Variants in GPC6 observed in about 807,000 individuals in gnomAD.
GPC6 encodes glypican-6.
GPC6 carries 14 observed loss-of-function variants against 55.2 expected under a neutral mutation model. That is an observed-to-expected ratio of 0.25 (90% CI 0.17 to 0.40). GPC6 has a LOEUF of 0.40. Among genes scored for constraint, GPC6 ranks in the 10% least tolerant of loss-of-function variants. The pLI is 1.00. For missense variants in GPC6, 641 were observed against 708.5 expected (o/e 0.90, Z 1.08); for synonymous variants, 278 against 259.6 (o/e 1.07, Z -0.68).
intron 4 of GPC6, among the ~76,000 whole-genome samples, chr13:94,074,413 C>A (rs1467767192): frequency 6.6e-6 from 1 of 152,150 alleles, no homozygotes; most frequent in East Asian, 1.9e-4. Flanking sequence ...TTTCAGAAAT[C>A]ACATTGTATT....
At chr13:94,365,886 T>G (rs924816244) in intron 6 of GPC6, among the ~76,000 whole-genome samples, 3 of 152,242 alleles carry the variant, frequency 2.0e-5, no homozygotes, top group Non-Finnish European at 4.4e-5. Context: ...ATTTCTCAGC[T>G]TCGGTGTGGA....
chr13:93,370,956 A>G (rs1251816288), intron 1 of GPC6, among the ~76,000 whole-genome samples: 1 of 152,072 alleles, frequency 6.6e-6, no homozygotes, highest in Non-Finnish European at 1.5e-5. Flanking sequence ...AATTAGAATG[A>G]TTCACCCTTT....
At chr13:93,675,363 T>A (rs1309398115) in intron 2 of GPC6, among the ~76,000 whole-genome samples, 2 of 152,094 alleles carry the variant, frequency 1.3e-5, no homozygotes, top group Non-Finnish European at 2.9e-5. Context: ...ATAGTTGACT[T>A]ACAAATTCGT....
chr13:93,874,005 C>T (rs1397178372), intron 3 of GPC6, among the ~76,000 whole-genome samples: 5 of 151,926 alleles, frequency 3.3e-5, no homozygotes, highest in Non-Finnish European at 7.4e-5. Flanking sequence ...ATCTGGTCTC[C>T]CTGCAGCCTT....
At chr13:93,944,516 T>A (rs2140366695) in intron 3 of GPC6, among the ~76,000 whole-genome samples, 1 of 152,284 alleles carries the variant, frequency 6.6e-6, no homozygotes, top group Admixed American at 6.5e-5. Flanking sequence ...CCTTCTTCTA[T>A]CACCTCGATA....
At chr13:94,399,990 G>A (rs1881060195) in intron 8 of GPC6, among the ~76,000 whole-genome samples, 1 of 152,152 alleles carries the variant, frequency 6.6e-6, no homozygotes, top group South Asian at 2.1e-4. Flanking sequence ...AGATACATAA[G>A]AATTAGTTGG....
chr13:94,036,008 T>C (rs1281425143), intron 4 of GPC6, among the ~76,000 whole-genome samples: 1 of 152,002 alleles, frequency 6.6e-6, no homozygotes, highest in Non-Finnish European at 1.5e-5. Flanking sequence ...TGTGAACAAC[T>C]CTCTAAGGAA....
Position 93,464,827 on chromosome 13 carries a change from A to G in GPC6, c.161-80436A>G, listed in dbSNP as rs543844335. On this transcript the variant is annotated intron_variant, in intron 1 of 8. Coordinates refer to ENST00000377047, the MANE Select transcript of GPC6 (RefSeq NM_005708.5). The stretch of plus-strand genomic sequence containing the variant: ...TTTGGCCAGATCCATCAGAGGAATC[A>G]CTATCTATGGAAGTTATAGCCTTAT... 1.8e-3 allele frequency among the ~76,000 whole-genome samples: 273 copies of G among 152,344 alleles called. 2 individuals are homozygous for G. The Middle Eastern group carries it at 0.048, about 27-fold the overall frequency.
intron 1 of GPC6, among the ~76,000 whole-genome samples, chr13:93,277,529 C>T (rs1877798489): frequency 6.6e-6 from 1 of 151,958 alleles, no homozygotes; most frequent in Admixed American, 6.6e-5. Context: ...CAGACTAAAC[C>T]AAGGTGTCTT....
At chr13:93,354,803 G>T (rs1354901100) in intron 1 of GPC6, among the ~76,000 whole-genome samples, 1 of 152,216 alleles carries the variant, frequency 6.6e-6, no homozygotes, top group Middle Eastern at 3.4e-3. Flanking sequence ...GCTGTGCGTG[G>T]ACAGAGAATC....
At chr13:93,336,313 C>A (rs577044030) in intron 1 of GPC6, among the ~76,000 whole-genome samples, 2 of 152,300 alleles carry the variant, frequency 1.3e-5, no homozygotes, top group South Asian at 4.1e-4. Flanking sequence ...CTTCCACCTG[C>A]AGATGTTTCT....
At chr13:94,287,043 A>G (rs1892552163) in intron 5 of GPC6, among the ~76,000 whole-genome samples, 1 of 152,216 alleles carries the variant, frequency 6.6e-6, no homozygotes, top group Non-Finnish European at 1.5e-5. Flanking sequence ...CATATGAGAC[A>G]GAGCTCCTGG....
chr13:93,546,890 G>C (rs191614484), intron 2 of GPC6, among the ~76,000 whole-genome samples: 2 of 152,268 alleles, frequency 1.3e-5, no homozygotes, highest in Non-Finnish European at 2.9e-5. Flanking sequence ...GCTCTACTGT[G>C]TTTATAAAGC....
At chr13:93,877,106 G>A (rs530831583) in intron 3 of GPC6, among the ~76,000 whole-genome samples, 9 of 152,118 alleles carry the variant, frequency 5.9e-5, no homozygotes, top group South Asian at 4.1e-4. Context: ...GATTCCCTAA[G>A]CAGTAGAAAT....
intron 2 of GPC6, among the ~76,000 whole-genome samples, chr13:93,644,436 A>C (rs554163119): frequency 6.6e-6 from 1 of 152,204 alleles, no homozygotes; most frequent in South Asian, 2.1e-4. Context: ...ATTTAGAAAC[A>C]AGCCCAACAT....
intron 1 of GPC6, among the ~76,000 whole-genome samples, chr13:93,490,520 T>A (rs927916475): frequency 7.0e-6 from 1 of 143,714 alleles, no homozygotes; most frequent in Non-Finnish European, 1.5e-5. Context: ...TTGAGTTTTT[T>A]TTTTTTTTAT....
chr13:93,302,063 T>C (rs1238850159), intron 1 of GPC6, among the ~76,000 whole-genome samples: 1 of 152,246 alleles, frequency 6.6e-6, no homozygotes, highest in Non-Finnish European at 1.5e-5. Context: ...GGTCACTGTA[T>C]ATTTTTCTCT....
intron 1 of GPC6, among the ~76,000 whole-genome samples, chr13:93,516,033 G>A (rs2166242): frequency 0.82 from 125,075 of 152,062 alleles, 52,369 homozygotes; most frequent in Middle Eastern, 0.91. Context: ...TTTAGAGATC[G>A]ACAGCTTTTC....
At chr13:93,469,147 A>C (rs1254912169) in intron 1 of GPC6, among the ~76,000 whole-genome samples, 2 of 152,228 alleles carry the variant, frequency 1.3e-5, no homozygotes, top group Admixed American at 6.5e-5. Flanking sequence ...ATTTTTAGCA[A>C]TAAATAAATG....
Sources: allele counts gnomAD v4.1 joint callset (sites outside exome capture counted in the v4.1 genomes callset), GRCh38; gene constraint gnomAD v4.1.1; transcripts MANE v1.5; gene names NCBI Gene and HGNC (gene_info 2026-07-23, HGNC 2026-07-21).